Variants in HEXD observed in about 807,000 individuals in gnomAD.
HEXD encodes N-acetyl-beta-galactosaminidase.
HEXD carries 47 observed loss-of-function variants against 54.2 expected under a neutral mutation model. That is an observed-to-expected ratio of 0.87 (90% CI 0.69 to 1.11). The LOEUF is 1.11. Among genes scored for constraint, HEXD ranks in the 50% least tolerant of loss-of-function variants. HEXD has a pLI of 0.00. For synonymous variants in HEXD, 293 were observed against 287.6 expected, an observed-to-expected ratio of 1.02 and a Z score of -0.19; for missense variants, 576 against 649.2, an observed-to-expected ratio of 0.89 and a Z score of 1.23.
Position 82,441,072 on chromosome 17 carries a change from T to G in HEXD, c.1058T>G (p.Val353Gly), listed in dbSNP as rs777517150. 2.1e-5 allele frequency: 34 copies of G among 1,613,484 alleles called. No individual in the cohort carries two copies. Among genetic ancestry groups the G allele is most frequent in the Non-Finnish European group, 2.9e-5 (34 of 1,179,990 alleles). ...GISSLEKTDP[V>G]REGAGSFPGS... Reference sequence around the variant, plus strand: ...TCCAGCCTGGAAAAAACGGACCCTGTTAGGCAAGCACCCTGCAGCCCTCCC... The same window carrying G: ...TCCAGCCTGGAAAAAACGGACCCTGGTAGGCAAGCACCCTGCAGCCCTCCC... Residue 353 changes from valine to glycine, a missense_variant, in exon 10 of 13, where the codon GTT (valine) becomes GGT (glycine). Transcript: ENST00000327949.
chr17:82,423,792 G>A (rs544806409), intron 2 of HEXD, among the ~76,000 whole-genome samples: 11 of 147,798 alleles, frequency 7.4e-5, no homozygotes, highest in South Asian at 2.2e-4. Context: ...CAGCCTGGGC[G>A]AGAGAGCGAG....
At chr17:82,430,747 T>C (rs576051940) in intron 4 of HEXD, among the ~76,000 whole-genome samples, 1 of 152,248 alleles carries the variant, frequency 6.6e-6, no homozygotes, top group East Asian at 1.9e-4. Context: ...CATTTTTTTT[T>C]TCAACTTGAG....
At chr17:82,435,562 C>T (rs1030742142) in intron 5 of HEXD, 127 bp from the exon 6 acceptor site, 10 of 881,258 alleles carry the variant, frequency 1.1e-5, no homozygotes, top group Middle Eastern at 3.4e-4. Context: ...GCAAAGGCTC[C>T]GAGCCCCTCC....
In HEXD at chr17:82,433,756, C is replaced by T. The variant is rs757937309; in HGVS notation, c.381C>T (p.Gly127=). 1.2e-5 allele frequency: 19 copies of T among 1,612,982 alleles called. No individual in the cohort carries two copies. Among genetic ancestry groups the T allele is most frequent in the South Asian group, 8.8e-5 (8 of 91,018 alleles). The change falls in exon 5 of 13, where the codon GGC becomes GGT. Residue 127 remains glycine, a synonymous_variant. Transcript: ENST00000327949. ...PHEAESLALV[G]AMIDQVLELH... ...AGGCAGAGTCCCTGGCGCTGGTGGG[C>T]GCCATGATTGACCAGGTCCTGGAGC... is the stretch of plus-strand genomic sequence containing the variant.
At chr17:82,428,444 C>A in intron 3 of HEXD, 114 bp from the exon 4 acceptor site, 1 of 805,990 alleles carries the variant, frequency 1.2e-6, no homozygotes, top group Middle Eastern at 3.8e-4. Flanking sequence ...GAGTTTAGGG[C>A]CTTACTGTTT....
At position 82,434,048 on chromosome 17, in the gene HEXD, G is replaced by A. The variant is rs756349244; in HGVS notation, c.447+226G>A. On this transcript the variant is annotated intron_variant, in intron 5 of 12. Coordinates refer to ENST00000327949, the MANE Select transcript of HEXD (RefSeq NM_001330542.2). This position sits in a 1 kb window ranked among gnomAD's most constrained non-coding sequence, Gnocchi z 4.5. ...TCAGACGCGTCCAACATCTTCTCCGGGTGGATGGGCGGCCTGGCACGGGAC... is the reference window on the plus strand; with the variant it reads ...TCAGACGCGTCCAACATCTTCTCCGAGTGGATGGGCGGCCTGGCACGGGAC... Among the ~76,000 whole-genome samples the A allele has an allele frequency of 1.3e-5, 2 of 150,510 alleles. No homozygotes were observed. Among genetic ancestry groups the A allele is most frequent in the African/African-American group, 2.4e-5 (1 of 40,896 alleles).
chr17:82,441,317 C>G (rs7501824), intron 11 of HEXD, 51 bp downstream of exon 11: 78 of 880,906 alleles, frequency 8.9e-5, no homozygotes, highest in East Asian at 2.5e-4. Flanking sequence ...AGGCATGGGG[C>G]GGGTGCAGGT....
rs1377228579 is a variant in HEXD at position 82,442,507 on chromosome 17, A to G, written c.*123A>G. The G allele has an allele frequency of 3.1e-6, 5 of 1,596,742 alleles. No homozygotes were observed. Among genetic ancestry groups the G allele is most frequent in the Non-Finnish European group, 4.3e-6 (5 of 1,166,266 alleles). On this transcript the variant is annotated 3_prime_UTR_variant, in exon 13 of 13. Transcript: ENST00000327949. The surrounding 1 kb of genome is among the most constrained non-coding windows in gnomAD (Gnocchi z 6.8). ...TCTGGCCCAGCAGTGTCTTGCCCAC[A>G]CTCAGTTCCTGAGGGCCCTGGGCAG... is the stretch of plus-strand genomic sequence containing the variant.
chr17:82,433,810 C>G lies in HEXD; in HGVS notation c.435C>G (p.Ile145Met), dbSNP rs755432793. Reference sequence around the variant, plus strand: ...ACCCAGGCGCCCAGCGGCTGCACATCGGGTGTGATGAGGTGGGTACTGTCA... The same window carrying G: ...ACCCAGGCGCCCAGCGGCTGCACATGGGGTGTGATGAGGTGGGTACTGTCA... ...ELHPGAQRLH[I>M]GCDEVYYLGE... Residue 145 changes from isoleucine (I) to methionine (M), a missense_variant, in exon 5 of 13, where the codon ATC becomes ATG. Ile to Met is a conservative substitution (Grantham distance 10). Coordinates refer to ENST00000327949, the MANE Select transcript of HEXD (RefSeq NM_001330542.2). The G allele has an allele frequency of 8.1e-6, 13 of 1,612,128 alleles. No homozygotes were observed. Among genetic ancestry groups the G allele is most frequent in the Non-Finnish European group, 1.1e-5 (13 of 1,179,454 alleles).
chr17:82,423,374 A>G (rs2143396479), intron 2 of HEXD: 1 of 152,320 alleles, frequency 6.6e-6, no homozygotes, highest in Admixed American at 6.5e-5. Flanking sequence ...TGTGTCATCC[A>G]GGAGGCCTAG....
chr17:82,442,548 C>G lies in HEXD; in HGVS notation c.*164C>G. 4 of 1,585,304 alleles carry G rather than the reference C, an allele frequency of 2.5e-6. No individual in the cohort carries two copies. Among genetic ancestry groups the G allele is most frequent in the Admixed American group, 1.7e-5 (1 of 59,358 alleles). ...CCCTGGGCAGCCCCTGGGGGAGAGA[C>G]TAGAAAACACAGAAGGAAGCAGCAC... On this transcript the variant is annotated 3_prime_UTR_variant, in exon 13 of 13. Transcript: ENST00000327949. The surrounding 1 kb of genome is among the most constrained non-coding windows in gnomAD (Gnocchi z 6.8).
chr17:82,435,932 C>G (rs1208441159), intron 6 of HEXD, 60 bp downstream of exon 6: 3 of 1,523,976 alleles, frequency 2.0e-6, no homozygotes, highest in Admixed American at 3.5e-5. Flanking sequence ...CCTGCGGCTT[C>G]AAAGAAAGAA....
In HEXD at chr17:82,442,066, G is replaced by T; in HGVS notation, c.1254-111G>T. The T allele has an allele frequency of 7.1e-7, 1 of 1,405,418 alleles. No homozygotes were observed. The highest frequency in any genetic ancestry group is 9.8e-7 in the Non-Finnish European group (1 of 1,023,898). 87.1% of individuals were successfully genotyped at this position (1,405,418 alleles called of 1,614,324 possible). ...CCTCCCGACATGCCGATGAGGTAGG[G>T]TCAGTAGCCCCATTTCACAGGTGAA... On this transcript the variant is annotated intron_variant, in intron 12 of 12. Transcript: ENST00000327949. The surrounding 1 kb of genome is among the most constrained non-coding windows in gnomAD (Gnocchi z 6.8).
Position 82,439,945 on chromosome 17 carries a change from G to T in HEXD, c.982+232G>T, listed in dbSNP as rs1194495066. On this transcript the variant is annotated intron_variant, in intron 9 of 12. Transcript: ENST00000327949. ...CCCAAAGCAGGCTGGAGAGTGACGCGGGAGGCACCCCTCAGACACAGTGAA... is the reference window on the plus strand; with the variant it reads ...CCCAAAGCAGGCTGGAGAGTGACGCTGGAGGCACCCCTCAGACACAGTGAA... The T allele has an allele frequency of 5.3e-6, 8 of 1,507,760 alleles. No individual in the cohort carries two copies. The Admixed American group carries it at 1.6e-4, about 30-fold the overall frequency. 93.4% of individuals were successfully genotyped at this position (1,507,760 alleles called of 1,614,324 possible). A position where few individuals can be genotyped will look rare whatever the true frequency, so the allele number is the denominator to read the frequency against.
intron 4 of HEXD, among the ~76,000 whole-genome samples, chr17:82,432,719 G>C (rs1408935641): frequency 6.6e-6 from 1 of 151,868 alleles, no homozygotes; most frequent in African/African-American, 2.4e-5. Flanking sequence ...TGGACCACAG[G>C]CAGGTGCCAC....
At chr17:82,430,140 G>A (rs958086072) in intron 4 of HEXD, among the ~76,000 whole-genome samples, 4 of 152,074 alleles carry the variant, frequency 2.6e-5, no homozygotes, top group African/African-American at 9.7e-5. Context: ...GTCTCCCGGG[G>A]CCACTCTGCC....
At chr17:82,420,059 C>A in intron 2 of HEXD, 176 bp downstream of exon 2, 1 of 371,044 alleles carries the variant, frequency 2.7e-6, no homozygotes, top group Non-Finnish European at 4.8e-6. Flanking sequence ...CTCACAAAAA[C>A]AGAACAACCA....
chr17:82,440,057 G>A (rs2053885877), intron 9 of HEXD: 4 of 1,304,334 alleles, frequency 3.1e-6, no homozygotes, highest in Non-Finnish European at 4.0e-6. Context: ...AGCAGGTGTG[G>A]GGCTCAGGCG....
At chr17:82,441,757 G>A in intron 11 of HEXD, 43 bp from the exon 12 acceptor site, 1 of 1,518,988 alleles carries the variant, frequency 6.6e-7, no homozygotes, top group South Asian at 1.1e-5. Context: ...CCCCACGGCT[G>A]CCTTGGTAGC....
Sources: gnomAD v4.1 joint callset for allele counts (sites outside exome capture counted in the v4.1 genomes callset) on GRCh38, gnomAD v4.1.1 for gene constraint, Gnocchi (gnomAD v3.1) non-coding constraint, MANE v1.5 for transcripts, NCBI Gene and HGNC (gene_info 2026-07-23, HGNC 2026-07-21) for gene names.